The following KIRREL3 variants were observed in gnomAD, a reference collection of about 807,000 sequenced individuals.
KIRREL3 encodes the protein kirre like nephrin family adhesion molecule 3, also known as kin of IRRE-like protein 3.
In KIRREL3, 36 loss-of-function variants were observed where a neutral mutation model predicts 89.7. The observed-to-expected ratio is 0.40, with a 90% CI of 0.31 to 0.53. The LOEUF (loss-of-function observed/expected upper bound fraction) is 0.53, where lower values mean the gene tolerates loss of function less well. Among genes scored for constraint, KIRREL3 ranks in the 20% least tolerant of loss-of-function variants. The pLI is 0.49. For missense variants in KIRREL3, 864 were observed against 1,056.6 expected, an observed-to-expected ratio of 0.82 and a Z score of 2.53; for synonymous variants, 445 against 441.4, an observed-to-expected ratio of 1.01 and a Z score of -0.10.
intron 4 of KIRREL3, among the ~76,000 whole-genome samples, chr11:126,517,496 T>C (rs4471434): frequency 0.4 from 61,127 of 151,464 alleles, 12,955 homozygotes; most frequent in African/African-American, 0.5. Flanking sequence ...TACAGAGGGG[T>C]GGTTGGGGGG....
intron 1 of KIRREL3, among the ~76,000 whole-genome samples, chr11:126,690,001 T>C (rs1565652343): frequency 6.6e-6 from 1 of 151,720 alleles, no homozygotes; most frequent in Non-Finnish European, 1.5e-5. Flanking sequence ...TTCCTCTTGC[T>C]CAGACTTTCC....
intron 1 of KIRREL3, among the ~76,000 whole-genome samples, chr11:126,945,559 C>T (rs928065905): frequency 6.6e-6 from 1 of 152,204 alleles, no homozygotes; most frequent in African/African-American, 2.4e-5. Context: ...GGAAACAGAT[C>T]TCAGGTTTCC....
At chr11:126,863,612 TGC>T (rs1482460927) in intron 1 of KIRREL3, among the ~76,000 whole-genome samples, 35 of 46,804 alleles carry the variant, frequency 7.5e-4, no homozygotes, top group Non-Finnish European at 1.2e-3. Flanking sequence ...TGTGTTTGCG[TGC>T]GTGTGTGTGT....
At position 126,530,075 on chromosome 11, in the gene KIRREL3, C is replaced by G. The variant is rs562859146; in HGVS notation, c.134-3388G>C. Among the ~76,000 whole-genome samples the G allele has an allele frequency of 1.3e-5, 2 of 151,858 alleles. No homozygotes were observed. Among genetic ancestry groups the G allele is most frequent in the Non-Finnish European group, 2.9e-5 (2 of 67,972 alleles). ...TGTAAGTTATTGCCAGAAGAATGCT[C>G]CTCACCCACCCACTCTTTCTTTTCT... On this transcript the variant is annotated intron_variant, in intron 2 of 16. Transcript: ENST00000525144. The surrounding 1 kb of genome is among the most constrained non-coding windows in gnomAD (Gnocchi z 5.8).
intron 1 of KIRREL3, among the ~76,000 whole-genome samples, chr11:126,634,768 C>A (rs1944195704): frequency 6.6e-6 from 1 of 152,206 alleles, no homozygotes. Context: ...TTGCTCCCTG[C>A]TCAGTAAAGA....
intron 11 of KIRREL3, among the ~76,000 whole-genome samples, chr11:126,438,149 C>A (rs775051173): frequency 2.6e-5 from 4 of 152,384 alleles, no homozygotes; most frequent in Non-Finnish European, 1.5e-5. Context: ...CCCCCCGGGA[C>A]TGTGGCTGCC....
intron 1 of KIRREL3, among the ~76,000 whole-genome samples, chr11:126,831,753 T>C (rs1190781678): frequency 6.6e-6 from 1 of 152,106 alleles, no homozygotes; most frequent in Non-Finnish European, 1.5e-5. Flanking sequence ...CCTGAGGGGA[T>C]CCTAATGCCT....
In KIRREL3 at chr11:126,608,227, G is replaced by C. The variant is rs1942969595; in HGVS notation, c.56-45315C>G. ...GAGAAAAGCAGGAGGCAGCTGAAGGGGGCGGTCTCAGAAGCCCCCGCTGGG... is the reference window on the plus strand; with the variant it reads ...GAGAAAAGCAGGAGGCAGCTGAAGGCGGCGGTCTCAGAAGCCCCCGCTGGG... On this transcript the variant is annotated intron_variant, in intron 1 of 16. Coordinates refer to ENST00000525144, the MANE Select transcript of KIRREL3 (RefSeq NM_032531.4). The surrounding 1 kb of genome is among the most constrained non-coding windows in gnomAD (Gnocchi z 4.9). Among the ~76,000 whole-genome samples, 1 of 152,194 alleles carries C rather than the reference G, an allele frequency of 6.6e-6. No individual in the cohort carries two copies. The highest frequency in any genetic ancestry group is 2.4e-5 in the African/African-American group (1 of 41,448).
In KIRREL3 at chr11:126,579,971, G is replaced by A. The variant is rs184432798; in HGVS notation, c.56-17059C>T. Among the ~76,000 whole-genome samples, 10 of 151,796 alleles carry A rather than the reference G, an allele frequency of 6.6e-5. No homozygotes were observed. The highest frequency in any genetic ancestry group is 3.3e-4 in the Admixed American group (5 of 15,252). ...CGCCATTCTCCTGCCTCAGCCTCCC[G>A]AGTAGCTGGGACTATAGGCGCCCGC... On this transcript the variant is annotated intron_variant, in intron 1 of 16. Coordinates refer to ENST00000525144, the MANE Select transcript of KIRREL3 (RefSeq NM_032531.4). This position sits in a 1 kb window ranked among gnomAD's most constrained non-coding sequence, Gnocchi z 5.3.
chr11:126,710,326 T>G lies in KIRREL3; in HGVS notation c.56-147414A>C, dbSNP rs905150760. Among the ~76,000 whole-genome samples the G allele has an allele frequency of 2.0e-5, 3 of 152,120 alleles. No individual in the cohort carries two copies. Among genetic ancestry groups the G allele is most frequent in the Admixed American group, 6.5e-5 (1 of 15,288 alleles). ...CACAAAGCTGAGGAGAGAAGGGAGA[T>G]AGCTAGCTCAGTGTGGCACCCCATT... On this transcript the variant is annotated intron_variant, in intron 1 of 16. Coordinates refer to ENST00000525144, the MANE Select transcript of KIRREL3 (RefSeq NM_032531.4). This position sits in a 1 kb window ranked among gnomAD's most constrained non-coding sequence, Gnocchi z 4.2.
At chr11:127,001,504 G>A (rs1402160896), upstream of KIRREL3, among the ~76,000 whole-genome samples, 1 of 152,040 alleles carries the variant, frequency 6.6e-6, no homozygotes, top group Non-Finnish European at 1.5e-5. Flanking sequence ...TGCATTCAGA[G>A]CCTCTCCTCT....
rs989206552 is a variant in KIRREL3 at position 126,976,816 on chromosome 11, G to A, written c.55+23639C>T. Reference sequence around the variant, plus strand: ...TAAAGGAGAGGGGAGGTTACTACTGGCATAAGGTTATTACTTCACGGTGGA... The same window carrying A: ...TAAAGGAGAGGGGAGGTTACTACTGACATAAGGTTATTACTTCACGGTGGA... On this transcript the variant is annotated intron_variant, in intron 1 of 16. Transcript: ENST00000525144. This position sits in a 1 kb window ranked among gnomAD's most constrained non-coding sequence, Gnocchi z 4.2. 2.6e-5 allele frequency among the ~76,000 whole-genome samples: 4 copies of A among 152,050 alleles called. No homozygotes were observed. Among genetic ancestry groups the A allele is most frequent in the Admixed American group, 1.3e-4 (2 of 15,266 alleles).
At position 126,566,421 on chromosome 11, in the gene KIRREL3, C is replaced by T. The variant is rs1462919407; in HGVS notation, c.56-3509G>A. 6.6e-6 allele frequency among the ~76,000 whole-genome samples: 1 copy of T among 152,164 alleles called. No individual in the cohort carries two copies. Among genetic ancestry groups the T allele is most frequent in the Non-Finnish European group, 1.5e-5 (1 of 68,034 alleles). ...TGAGCCCGTAGGACCAAGCACAGTG[C>T]CTGACACATGGTAAGTGCTCAGGAA... On this transcript the variant is annotated intron_variant, in intron 1 of 16. Transcript: ENST00000525144. This position sits in a 1 kb window ranked among gnomAD's most constrained non-coding sequence, Gnocchi z 4.9.
intron 1 of KIRREL3, among the ~76,000 whole-genome samples, chr11:126,732,661 C>G (rs1377265221): frequency 6.6e-6 from 1 of 152,166 alleles, no homozygotes; most frequent in African/African-American, 2.4e-5. Flanking sequence ...GGCTCTGAAC[C>G]AGGACACCAT....
In KIRREL3 at chr11:126,571,562, A is replaced by T. The variant is rs531937339; in HGVS notation, c.56-8650T>A. On this transcript the variant is annotated intron_variant, in intron 1 of 16. Transcript: ENST00000525144. This position sits in a 1 kb window ranked among gnomAD's most constrained non-coding sequence, Gnocchi z 7.7. ...TTAGTCTCTGGGCTGAGCACTTTGCATGCCTTACCTTCTTTATTCCTCATC... is the reference window on the plus strand; with the variant it reads ...TTAGTCTCTGGGCTGAGCACTTTGCTTGCCTTACCTTCTTTATTCCTCATC... Among the ~76,000 whole-genome samples the T allele has an allele frequency of 2.0e-5, 3 of 152,362 alleles. No individual in the cohort carries two copies. Among genetic ancestry groups the T allele is most frequent in the Admixed American group, 2.0e-4 (3 of 15,302 alleles).
In KIRREL3 at chr11:126,686,895, A is replaced by T. The variant is rs944767700; in HGVS notation, c.56-123983T>A. Among the ~76,000 whole-genome samples, 2 of 152,168 alleles carry T rather than the reference A, an allele frequency of 1.3e-5. No individual in the cohort carries two copies. The highest frequency in any genetic ancestry group is 2.9e-5 in the Non-Finnish European group (2 of 68,030). On this transcript the variant is annotated intron_variant, in intron 1 of 16. Coordinates refer to ENST00000525144, the MANE Select transcript of KIRREL3 (RefSeq NM_032531.4). This position sits in a 1 kb window ranked among gnomAD's most constrained non-coding sequence, Gnocchi z 4.7. The stretch of plus-strand genomic sequence containing the variant: ...TGCCTGGATCCTACACTGAATTTTG[A>T]AACATAAGAAGGAGTTATCCAGATG...
rs145403084 is a variant in KIRREL3, at chr11:126,822,162, A to G, written c.55+178293T>C. On this transcript the variant is annotated intron_variant, in intron 1 of 16. Transcript: ENST00000525144. ...GTCCCTCAGCTTTCATAAGTATAAT[A>G]TGGGAATGATAAGAATGGCTATCTT... Among the ~76,000 whole-genome samples, 759 of 152,302 alleles carry G rather than the reference A, an allele frequency of 5.0e-3. 4 individuals carry two copies. Among genetic ancestry groups the G allele is most frequent in the Non-Finnish European group, 8.0e-3 (545 of 68,032 alleles).
chr11:126,649,997 T>A (rs1030817682), intron 1 of KIRREL3, among the ~76,000 whole-genome samples: 2 of 152,238 alleles, frequency 1.3e-5, no homozygotes, highest in Non-Finnish European at 2.9e-5. Context: ...TTGACTTCTG[T>A]GCACTCTCAG....
chr11:126,804,652 G>A (rs951250850), intron 1 of KIRREL3, among the ~76,000 whole-genome samples: 3 of 152,200 alleles, frequency 2.0e-5, no homozygotes, highest in African/African-American at 7.2e-5. Flanking sequence ...TTAGTGGAAA[G>A]AGAAAGGAGC....
Sources: gnomAD v4.1 joint callset for allele counts (sites outside exome capture counted in the v4.1 genomes callset) on GRCh38, gnomAD v4.1.1 for gene constraint, Gnocchi (gnomAD v3.1) non-coding constraint, MANE v1.5 for transcripts, NCBI Gene and HGNC (gene_info 2026-07-23, HGNC 2026-07-21) for gene names.